Variants in IGSF21 observed in about 807,000 individuals in gnomAD.
IGSF21 encodes immunoglobin superfamily member 21, also known as immunoglobulin superfamily member 21.
In IGSF21, 28 loss-of-function variants were observed where a neutral mutation model predicts 46.8. The ratio of observed to expected loss-of-function variants is 0.60; its 90% CI spans 0.44 to 0.82. The LOEUF is 0.82. IGSF21 is among the 40% of genes least tolerant of loss of function. The pLI, the probability that IGSF21 is intolerant of heterozygous loss-of-function variation, is 0.00. For missense variants in IGSF21, 624 were observed against 665.5 expected (o/e 0.94, Z 0.69); for synonymous variants, 284 against 273.6 (o/e 1.04, Z -0.38).
At chr1:18,125,471 C>T (rs779666606) in intron 1 of IGSF21, among the ~76,000 whole-genome samples, 3 of 152,250 alleles carry the variant, frequency 2.0e-5, no homozygotes, top group African/African-American at 7.2e-5. Flanking sequence ...ACGGCTACCT[C>T]GTTGGAAATT....
At chr1:18,302,060 G>C (rs223156) in intron 3 of IGSF21, among the ~76,000 whole-genome samples, 152,034 of 152,036 alleles carry the variant, frequency 1, 76,016 homozygotes, top group Non-Finnish European at 1. Flanking sequence ...CCTGCCCCTG[G>C]CACCTTCTCA....
intron 2 of IGSF21, among the ~76,000 whole-genome samples, chr1:18,240,244 G>C (rs998866944): frequency 1.8e-4 from 27 of 152,342 alleles, no homozygotes; most frequent in African/African-American, 6.5e-4. Context: ...TTGCACCGCT[G>C]CACTCCAGCC....
chr1:18,146,908 A>G (rs2086471630), intron 1 of IGSF21, among the ~76,000 whole-genome samples: 1 of 152,220 alleles, frequency 6.6e-6, no homozygotes, highest in Non-Finnish European at 1.5e-5. Flanking sequence ...ATGGTAGGGT[A>G]AGAAATAAAA....
At chr1:18,354,762 TG>T (rs1422609893) in intron 4 of IGSF21, among the ~76,000 whole-genome samples, 1 of 152,182 alleles carries the variant, frequency 6.6e-6, no homozygotes, top group Admixed American at 6.5e-5. Flanking sequence ...TGGTTACTCC[TG>T]GGAGGGAAAG....
chr1:18,299,401 C>CT (rs906687512), intron 3 of IGSF21, among the ~76,000 whole-genome samples: 11 of 152,296 alleles, frequency 7.2e-5, no homozygotes, highest in Admixed American at 3.9e-4. Flanking sequence ...AGACCAAACT[C>CT]TTTTTTTACA....
intron 2 of IGSF21, among the ~76,000 whole-genome samples, chr1:18,249,171 A>G (rs570783430): frequency 6.6e-6 from 1 of 152,288 alleles, no homozygotes; most frequent in Non-Finnish European, 1.5e-5. Context: ...TACCTGGAGA[A>G]CAAAGGGGAG....
At chr1:18,271,842 GT>G (rs2085045757) in intron 2 of IGSF21, among the ~76,000 whole-genome samples, 1 of 152,228 alleles carries the variant, frequency 6.6e-6, no homozygotes, top group African/African-American at 2.4e-5. Flanking sequence ...CCATGGGTGA[GT>G]AGCTGGCATG....
chr1:18,167,972 T>A lies in IGSF21; in HGVS notation c.70+59774T>A, dbSNP rs149084857. ...GTGCGCCACAAACACCTTGATCACCTCTACCGCAGGAACACCTGCTCTCCT... is the reference window on the plus strand; with the variant it reads ...GTGCGCCACAAACACCTTGATCACCACTACCGCAGGAACACCTGCTCTCCT... On this transcript the variant is annotated intron_variant, in intron 1 of 9. Coordinates refer to ENST00000251296, the MANE Select transcript of IGSF21 (RefSeq NM_032880.5). Among the ~76,000 whole-genome samples the A allele has an allele frequency of 2.2e-3, 337 of 152,192 alleles. 3 individuals carry two copies. The highest frequency in any genetic ancestry group is 7.8e-3 in the African/African-American group (322 of 41,542).
At chr1:18,285,375 G>A (rs960410451) in intron 2 of IGSF21, among the ~76,000 whole-genome samples, 1 of 152,116 alleles carries the variant, frequency 6.6e-6, no homozygotes, top group African/African-American at 2.4e-5. Flanking sequence ...TGGCCTGGCT[G>A]CAGCCTAGAT....
In IGSF21 at chr1:18,199,894, C is replaced by A. The variant is rs558856433; in HGVS notation, c.71-28004C>A. ...TCACACTAGGGAAGCTGCTCCCGGC[C>A]CCCCCCTACCCCCGTGAGAATCCAT... is the stretch of plus-strand genomic sequence containing the variant. On this transcript the variant is annotated intron_variant, in intron 1 of 9. Transcript: ENST00000251296. Among the ~76,000 whole-genome samples, 715 of 146,242 alleles carry A rather than the reference C, an allele frequency of 4.9e-3. 7 individuals are homozygous for A. The highest frequency in any genetic ancestry group is 4.4e-3 in the Non-Finnish European group (287 of 64,834).
At chr1:18,341,012 CTCTTCTTCTTCTTCT>C (rs10536109) in intron 4 of IGSF21, among the ~76,000 whole-genome samples, 3 of 84,984 alleles carry the variant, frequency 3.5e-5, no homozygotes, top group African/African-American at 5.1e-5. Flanking sequence ...CCTCCTTCTT[CTCTTCTTCTTCTTCT>C]TCTTCTTCTT....
chr1:18,184,564 T>C (rs796895011), intron 1 of IGSF21, among the ~76,000 whole-genome samples: 5 of 152,338 alleles, frequency 3.3e-5, no homozygotes, highest in African/African-American at 1.2e-4. Flanking sequence ...CAGCCTGTCA[T>C]GCTGACAGGT....
chr1:18,265,527 AC>A, intron 2 of IGSF21, among the ~76,000 whole-genome samples: 1 of 152,082 alleles, frequency 6.6e-6, no homozygotes, highest in East Asian at 1.9e-4. Flanking sequence ...GCTCAAACCC[AC>A]CCACTTGGGT....
At chr1:18,216,556 T>A (rs1226089150) in intron 1 of IGSF21, among the ~76,000 whole-genome samples, 1 of 152,156 alleles carries the variant, frequency 6.6e-6, no homozygotes, top group African/African-American at 2.4e-5. Context: ...CCAGGAGATG[T>A]GGAGGGTCCA....
chr1:18,238,843 C>T (rs889836627), intron 2 of IGSF21, among the ~76,000 whole-genome samples: 2 of 152,190 alleles, frequency 1.3e-5, no homozygotes, highest in African/African-American at 2.4e-5. Flanking sequence ...TTGAAAAAAC[C>T]ACAACCCCTC....
At chr1:18,255,510 T>A (rs1255305500) in intron 2 of IGSF21, among the ~76,000 whole-genome samples, 2 of 151,508 alleles carry the variant, frequency 1.3e-5, no homozygotes, top group African/African-American at 4.8e-5. Context: ...AACTTCCTCA[T>A]TCCCTCACTT....
intron 3 of IGSF21, among the ~76,000 whole-genome samples, chr1:18,320,987 C>T (rs940228075): frequency 2.6e-5 from 4 of 152,236 alleles, no homozygotes; most frequent in African/African-American, 9.6e-5. Context: ...CAAGTCAGCT[C>T]AGAGCTTTCT....
chr1:18,139,001 C>T (rs926890307), intron 1 of IGSF21, among the ~76,000 whole-genome samples: 18 of 152,152 alleles, frequency 1.2e-4, no homozygotes, highest in Non-Finnish European at 1.9e-4. Flanking sequence ...TGTGCTTGGT[C>T]GTGGCTTTGC....
intron 2 of IGSF21, among the ~76,000 whole-genome samples, chr1:18,244,851 C>T (rs969987662): frequency 2.0e-5 from 3 of 152,136 alleles, no homozygotes; most frequent in Admixed American, 6.6e-5. Context: ...GCCTGAGAGA[C>T]AGCATTTTTA....
Sources: gnomAD v4.1 joint callset for allele counts (sites outside exome capture counted in the v4.1 genomes callset) on GRCh38, gnomAD v4.1.1 for gene constraint, MANE v1.5 for transcripts, NCBI Gene and HGNC (gene_info 2026-07-23, HGNC 2026-07-21) for gene names.